The following ZNF536 variants were observed in gnomAD, a reference collection of about 807,000 sequenced individuals.
The protein encoded by ZNF536 is zinc finger protein 536.
A neutral mutation model predicts 84.5 loss-of-function variants in ZNF536; 13 were observed. The ratio of observed to expected loss-of-function variants is 0.15; its 90% CI spans 0.10 to 0.24. The LOEUF (loss-of-function observed/expected upper bound fraction) is 0.24, where lower values mean the gene tolerates loss of function less well. Among genes scored for constraint, ZNF536 ranks in the 10% least tolerant of loss-of-function variants. The pLI is 1.00. For missense variants in ZNF536, 1,536 were observed against 1,747.5 expected (o/e 0.88, Z 2.16); for synonymous variants, 811 against 742.5 (o/e 1.09, Z -1.50).
intron 3 of ZNF536, among the ~76,000 whole-genome samples, chr19:30,544,152 A>C (rs2045450653): frequency 6.6e-6 from 1 of 152,220 alleles, no homozygotes; most frequent in African/African-American, 2.4e-5. Context: ...TGGAGCACTT[A>C]ACTGAGGAAC....
At chr19:30,319,080 G>A (rs964829821) in intron 2 of ZNF536, among the ~76,000 whole-genome samples, 2 of 152,220 alleles carry the variant, frequency 1.3e-5, no homozygotes, top group African/African-American at 4.8e-5. Context: ...GTCTGAGAGC[G>A]TTTTCCAGAT....
intron 2 of ZNF536, among the ~76,000 whole-genome samples, chr19:30,446,655 G>A (rs2052363312): frequency 6.6e-6 from 1 of 152,132 alleles, no homozygotes; most frequent in East Asian, 1.9e-4. Flanking sequence ...GAAAAGTACA[G>A]GCATTTGAAA....
At chr19:30,692,925 C>G (rs1030470539) in intron 1 of ZNF536, among the ~76,000 whole-genome samples, 1 of 152,102 alleles carries the variant, frequency 6.6e-6, no homozygotes, top group Non-Finnish European at 1.5e-5. Flanking sequence ...CACACGGGCT[C>G]CGTTTATAAT....
chr19:30,569,328 C>T (rs761979734), intron 1 of ZNF536, among the ~76,000 whole-genome samples: 1 of 152,072 alleles, frequency 6.6e-6, no homozygotes, highest in Non-Finnish European at 1.5e-5. Flanking sequence ...GAGATGCATC[C>T]ATTCTTTGAA....
intron 1 of ZNF536, among the ~76,000 whole-genome samples, chr19:30,666,184 G>A (rs1385407736): frequency 2.6e-5 from 4 of 152,180 alleles, no homozygotes; most frequent in Non-Finnish European, 1.5e-5. Flanking sequence ...CGGCTCACCT[G>A]GTCTCCCAGG....
At chr19:30,413,204 C>T (rs761967691) in intron 1 of ZNF536, among the ~76,000 whole-genome samples, 20 of 151,998 alleles carry the variant, frequency 1.3e-4, no homozygotes, top group African/African-American at 3.1e-4. Flanking sequence ...GGGTGTGGAG[C>T]GGTTCTATTT....
intron 2 of ZNF536, among the ~76,000 whole-genome samples, chr19:30,312,193 G>C (rs1174334810): frequency 6.6e-6 from 1 of 152,160 alleles, no homozygotes; most frequent in African/African-American, 2.4e-5. Context: ...GGAGAGAGGC[G>C]GTGCATGAGA....
At chr19:30,476,867 C>G (rs777893459) in intron 2 of ZNF536, among the ~76,000 whole-genome samples, 4 of 152,198 alleles carry the variant, frequency 2.6e-5, no homozygotes, top group African/African-American at 4.8e-5. Context: ...GGCTCTGTGG[C>G]ACCCACTACT....
intron 1 of ZNF536, among the ~76,000 whole-genome samples, chr19:30,674,902 G>T (rs1464445381): frequency 6.6e-6 from 1 of 152,110 alleles, no homozygotes; most frequent in East Asian, 1.9e-4. Context: ...ACACCCTGCT[G>T]CTTGAACAGG....
At chr19:30,590,279 G>A (rs1317571356) in intron 1 of ZNF536, among the ~76,000 whole-genome samples, 1 of 152,194 alleles carries the variant, frequency 6.6e-6, no homozygotes, top group East Asian at 1.9e-4. Context: ...CCCAAGTGCT[G>A]TTGTCCTCAC....
At chr19:30,593,123 T>G (rs1483830778) in intron 1 of ZNF536, among the ~76,000 whole-genome samples, 2 of 152,196 alleles carry the variant, frequency 1.3e-5, no homozygotes, top group Admixed American at 6.5e-5. Flanking sequence ...ACCATCAAAC[T>G]GGTCAGAAAT....
intron 1 of ZNF536, chr19:30,436,565 C>T: frequency 2.1e-6 from 2 of 942,198 alleles, no homozygotes; most frequent in Non-Finnish European, 2.5e-6. Context: ...ATGTTTACAG[C>T]TGTTTAATGA....
At chr19:30,432,406 G>A (rs2147993766) in intron 1 of ZNF536, among the ~76,000 whole-genome samples, 1 of 152,248 alleles carries the variant, frequency 6.6e-6, no homozygotes, top group East Asian at 1.9e-4. Flanking sequence ...CCATTCTGAG[G>A]AAGCAGGATC....
chr19:30,515,915 T>C (rs985122935), intron 2 of ZNF536, among the ~76,000 whole-genome samples: 1 of 150,764 alleles, frequency 6.6e-6, no homozygotes, highest in Non-Finnish European at 1.5e-5. Flanking sequence ...TATTCCCAGC[T>C]ACTCGTGGGG....
rs1176795290 is a variant in ZNF536 at position 30,443,922 on chromosome 19, C to T, written c.360C>T (p.Ile120=). 1.2e-6 allele frequency: 2 copies of T among 1,613,668 alleles called. No homozygotes were observed. Among genetic ancestry groups the T allele is most frequent in the Non-Finnish European group, 1.7e-6 (2 of 1,180,016 alleles). ...GCATCATGTCCCAGATGAGCGACAT[C>T]GAGGACGACGCCCGCAAGAACCGCA... ...NLGIMSQMSD[I]EDDARKNRKY... is the part of the protein sequence containing the mutation. The change falls in exon 2 of 5, where the codon ATC becomes ATT. Residue 120 remains isoleucine (I), a synonymous_variant. Transcript: ENST00000355537.
chr19:30,327,578 C>T (rs1009877469), intron 2 of ZNF536, among the ~76,000 whole-genome samples: 1 of 152,202 alleles, frequency 6.6e-6, no homozygotes, highest in Admixed American at 6.5e-5. Flanking sequence ...CGTAATTGTT[C>T]CTGCGAACCC....
intron 1 of ZNF536, among the ~76,000 whole-genome samples, chr19:30,382,949 T>C (rs1282948923): frequency 6.6e-6 from 1 of 152,214 alleles, no homozygotes; most frequent in African/African-American, 2.4e-5. Context: ...TTAGCCCAGA[T>C]AGTCTTGCAC....
intron 1 of ZNF536, among the ~76,000 whole-genome samples, chr19:30,423,359 C>T (rs764695755): frequency 5.3e-5 from 8 of 151,990 alleles, no homozygotes; most frequent in Non-Finnish European, 8.8e-5. Context: ...ACAATAGCAC[C>T]AAAAATCTGT....
chr19:30,311,905 C>T (rs550124342), intron 2 of ZNF536, among the ~76,000 whole-genome samples: 8 of 151,972 alleles, frequency 5.3e-5, no homozygotes, highest in East Asian at 3.9e-4. Context: ...CTCATCTCTA[C>T]GAAAAGTTAA....
Sources: gnomAD v4.1 joint callset for allele counts (sites outside exome capture counted in the v4.1 genomes callset) on GRCh38, gnomAD v4.1.1 for gene constraint, MANE v1.5 for transcripts, NCBI Gene and HGNC (gene_info 2026-07-23, HGNC 2026-07-21) for gene names.